The following MCPH1 variants were observed in gnomAD, a reference collection of about 807,000 sequenced individuals.
MCPH1 encodes the protein microcephalin.
In MCPH1, 104 loss-of-function variants were observed where a neutral mutation model predicts 84.5. The ratio of observed to expected loss-of-function variants is 1.23; its 90% CI spans 1.05 to 1.45. The LOEUF (loss-of-function observed/expected upper bound fraction) is 1.45. Ranked by LOEUF, MCPH1 falls within the 40% of genes most tolerant of loss-of-function variation. The pLI is 0.00. For missense variants in MCPH1, 1,498 were observed against 1,005.7 expected (o/e 1.49, Z -6.62); for synonymous variants, 514 against 366.8 (o/e 1.40, Z -4.58).
intron 11 of MCPH1, among the ~76,000 whole-genome samples, chr8:6,481,984 G>T (rs750225218): frequency 1.3e-5 from 2 of 152,150 alleles, no homozygotes; most frequent in African/African-American, 4.8e-5. Flanking sequence ...GAAATCTCAG[G>T]TTATCTGGCT....
intron 12 of MCPH1, among the ~76,000 whole-genome samples, chr8:6,531,530 G>A (rs1819516130): frequency 6.6e-6 from 1 of 152,118 alleles, no homozygotes; most frequent in Non-Finnish European, 1.5e-5. Flanking sequence ...GACCTCAGGT[G>A]ATCCACCCAT....
intron 11 of MCPH1, among the ~76,000 whole-genome samples, chr8:6,487,115 G>A (rs1410286325): frequency 1.3e-5 from 2 of 152,168 alleles, no homozygotes; most frequent in Non-Finnish European, 2.9e-5. Flanking sequence ...TTATGAAAAG[G>A]ATCTGATAAT....
chr8:6,525,171 C>T (rs1166766687), intron 12 of MCPH1, among the ~76,000 whole-genome samples: 7 of 152,160 alleles, frequency 4.6e-5, no homozygotes, highest in Non-Finnish European at 1.0e-4. Flanking sequence ...CATATCTCGC[C>T]CATAAGCAAT....
intron 12 of MCPH1, chr8:6,615,954 A>T (rs1830746248): frequency 1.3e-5 from 2 of 152,182 alleles, no homozygotes; most frequent in Admixed American, 1.3e-4. Context: ...TTTATTTAAT[A>T]CCTCGAGGAG....
At chr8:6,564,813 A>T (rs1283079535) in intron 12 of MCPH1, among the ~76,000 whole-genome samples, 1 of 152,220 alleles carries the variant, frequency 6.6e-6, no homozygotes, top group Non-Finnish European at 1.5e-5. Flanking sequence ...AATACTCAGA[A>T]CTACATTTTT....
intron 12 of MCPH1, among the ~76,000 whole-genome samples, chr8:6,542,252 G>A (rs1411608480): frequency 6.6e-6 from 1 of 152,080 alleles, no homozygotes; most frequent in African/African-American, 2.4e-5. Context: ...TCTGTCTAGA[G>A]ACATATATGC....
At chr8:6,536,408 A>G (rs1205776027) in intron 12 of MCPH1, among the ~76,000 whole-genome samples, 1 of 75,278 alleles carries the variant, frequency 1.3e-5, no homozygotes, top group Non-Finnish European at 3.1e-5. Flanking sequence ...GCCTTTTAAG[A>G]GCCAAAGTGA....
intron 12 of MCPH1, among the ~76,000 whole-genome samples, chr8:6,513,221 AC>A (rs1339572721): frequency 1.3e-5 from 2 of 152,220 alleles, no homozygotes; most frequent in African/African-American, 4.8e-5. Flanking sequence ...AGAATTTTAA[AC>A]CCAGAGAAAC....
At chr8:6,515,500 C>T (rs1289706938) in intron 12 of MCPH1, among the ~76,000 whole-genome samples, 2 of 152,184 alleles carry the variant, frequency 1.3e-5, no homozygotes, top group Non-Finnish European at 2.9e-5. Flanking sequence ...CTTTTTATTT[C>T]TGCTCTTAAA....
chr8:6,618,937 G>T (rs1357616801), intron 12 of MCPH1: 1 of 152,124 alleles, frequency 6.6e-6, no homozygotes, highest in Non-Finnish European at 1.5e-5. Context: ...AGTGATCCAG[G>T]CGTCACATTA....
In MCPH1 at chr8:6,558,534, A is replaced by G. The variant is rs187738090; in HGVS notation, c.2214+58605A>G. Among the ~76,000 whole-genome samples, 36 of 152,202 alleles carry G rather than the reference A, an allele frequency of 2.4e-4. 1 individual carries two copies. The highest frequency in any genetic ancestry group is 3.8e-4 in the Non-Finnish European group (26 of 68,038). The stretch of plus-strand genomic sequence containing the variant: ...CCATTATCCTTCTCAAGTTTCATCT[A>G]CGGTAACTGGCTTACAGATAAACTT... On this transcript the variant is annotated intron_variant, in intron 12 of 13. Coordinates refer to ENST00000344683, the MANE Select transcript of MCPH1 (RefSeq NM_024596.5).
At chr8:6,487,881 G>T (rs1217979033) in intron 11 of MCPH1, among the ~76,000 whole-genome samples, 1 of 152,234 alleles carries the variant, frequency 6.6e-6, no homozygotes, top group African/African-American at 2.4e-5. Flanking sequence ...CAAATAATTA[G>T]TGAATTTAGT....
intron 8 of MCPH1, chr8:6,446,511 G>C: frequency 2.0e-6 from 2 of 984,350 alleles, no homozygotes; most frequent in Non-Finnish European, 2.4e-6. Flanking sequence ...TATGTTTTTG[G>C]CCTGCTATTT....
intron 12 of MCPH1, among the ~76,000 whole-genome samples, chr8:6,612,439 T>A (rs1378191208): frequency 6.6e-6 from 1 of 152,144 alleles, no homozygotes; most frequent in African/African-American, 2.4e-5. Flanking sequence ...CTGCTGCCTG[T>A]CTTTTGAGGG....
intron 3 of MCPH1, among the ~76,000 whole-genome samples, chr8:6,423,185 CTTTTCTTT>C (rs1482798229): frequency 1.8e-5 from 2 of 110,784 alleles, no homozygotes; most frequent in Admixed American, 1.0e-4. Context: ...TTTTTCTTTT[CTTTTCTTT>C]TTTTTTTTTT....
rs1798248100 is a variant in MCPH1, at chr8:6,647,043, C to G, written c.*3994C>G. The stretch of plus-strand genomic sequence containing the variant: ...GCCACAGACTATGAAAAAATACTTG[C>G]AAATCATATATCTGATAAAGGACTT... On this transcript the variant is annotated 3_prime_UTR_variant, in exon 14 of 14. Coordinates refer to ENST00000344683, the MANE Select transcript of MCPH1 (RefSeq NM_024596.5). 6.6e-6 allele frequency: 1 copy of G among 151,696 alleles called. No homozygotes were observed. Among genetic ancestry groups the G allele is most frequent in the African/African-American group, 2.4e-5 (1 of 41,238 alleles). The allele number at this position is 151,696 out of a possible 1,614,324, so 9.4% of individuals were successfully genotyped here. A position where few individuals can be genotyped will look rare whatever the true frequency, so the allele number is the denominator to read the frequency against.
chr8:6,605,452 A>G lies in MCPH1; in HGVS notation c.2215-16002A>G, dbSNP rs17077661. ...TATGCGATGGGAGTTTGCATTTTGGACCAAAGACTCCGCAGCAAATAAATC... is the reference window on the plus strand; with the variant it reads ...TATGCGATGGGAGTTTGCATTTTGGGCCAAAGACTCCGCAGCAAATAAATC... On this transcript the variant is annotated intron_variant, in intron 12 of 13. Transcript: ENST00000344683. 1.9e-3 allele frequency among the ~76,000 whole-genome samples: 282 copies of G among 152,318 alleles called. 9 individuals carry two copies. The East Asian group carries it at 0.043, about 23-fold the overall frequency.
At chr8:6,641,128 T>C (rs1487361436) in intron 13 of MCPH1, among the ~76,000 whole-genome samples, 1 of 152,218 alleles carries the variant, frequency 6.6e-6, no homozygotes, top group East Asian at 1.9e-4. Flanking sequence ...AGAATAAACA[T>C]GTCGTTTTCT....
intron 12 of MCPH1, among the ~76,000 whole-genome samples, chr8:6,614,264 C>T (rs17077683): frequency 0.017 from 2,588 of 152,282 alleles, 67 homozygotes; most frequent in African/African-American, 0.058. Context: ...CTTGGCCGCT[C>T]GGACAGGACT....
Sources: gnomAD v4.1 joint callset for allele counts (sites outside exome capture counted in the v4.1 genomes callset) on GRCh38, gnomAD v4.1.1 for gene constraint, MANE v1.5 for transcripts, NCBI Gene and HGNC (gene_info 2026-07-23, HGNC 2026-07-21) for gene names.